CFAP61: variants seen among roughly 807,000 people sequenced by gnomAD.
CFAP61 encodes the protein cilia and flagella associated protein 61, also known as cilia- and flagella-associated protein 61.
Under a neutral mutation model 135.6 loss-of-function variants are expected in CFAP61, and 107 were observed. That is an observed-to-expected ratio of 0.79 (90% CI 0.67 to 0.93). The LOEUF (loss-of-function observed/expected upper bound fraction) is 0.93. Ranked by LOEUF, CFAP61 falls within the 40% of genes least tolerant of loss-of-function variation. CFAP61 has a pLI of 0.00. For missense variants in CFAP61, 1,507 were observed against 1,556.2 expected (o/e 0.97, Z 0.53); for synonymous variants, 575 against 578.5 (o/e 0.99, Z 0.09).
At position 20,199,918 on chromosome 20, in the gene CFAP61, G is replaced by T. The variant is rs75726160; in HGVS notation, c.1932+16G>T. The T allele has an allele frequency of 6.8e-6, 11 of 1,613,008 alleles. No homozygotes were observed. The East Asian group carries it at 2.5e-4, about 36-fold the overall frequency. ...CAAGGATCCGGTGGGTAGCAGGGCG[G>T]CAGGCAGGGCGGCGCGGTGCCAGCT... On this transcript the variant is annotated intron_variant, in intron 17 of 26. Transcript: ENST00000245957.
At chr20:20,200,200 TCATTTTCTTTCC>T (rs1344250041) in intron 17 of CFAP61, among the ~76,000 whole-genome samples, 1 of 152,254 alleles carries the variant, frequency 6.6e-6, no homozygotes, top group African/African-American at 2.4e-5. Flanking sequence ...CAGCATATTT[TCATTTTCTTTCC>T]CTGTCCTCAA....
chr20:20,262,978 A>C lies in CFAP61; in HGVS notation c.2351A>C (p.Asp784Ala). The C allele has an allele frequency of 5.0e-6, 8 of 1,613,640 alleles. No homozygotes were observed. The highest frequency in any genetic ancestry group is 1.7e-5 in the Admixed American group (1 of 59,964). ...QYQVPCPTEA[D>A]ISQHLTNREV... ...CAGGTCCCATGCCCTACAGAGGCTG[A>C]TATTAGTCAACACCTGACAAACAGG... The change falls in exon 21 of 27, where the codon GAT becomes GCT. Residue 784 changes from aspartate (D) to alanine (A), a missense_variant. By Grantham distance (126) the Asp-to-Ala change is moderately radical. Transcript: ENST00000245957.
intron 10 of CFAP61, among the ~76,000 whole-genome samples, chr20:20,161,990 G>A (rs2053443591): frequency 1.3e-5 from 2 of 152,146 alleles, no homozygotes; most frequent in South Asian, 4.1e-4. Context: ...AGTTCTGGAG[G>A]TTAGCATTCC....
chr20:20,136,815 T>C (rs1249308042), intron 8 of CFAP61, among the ~76,000 whole-genome samples: 1 of 152,234 alleles, frequency 6.6e-6, no homozygotes, highest in African/African-American at 2.4e-5. Flanking sequence ...TTTGTCAGTG[T>C]CTGGGCACTG....
intron 25 of CFAP61, among the ~76,000 whole-genome samples, chr20:20,309,039 T>C (rs986256716): frequency 2.0e-5 from 3 of 152,214 alleles, no homozygotes; most frequent in Non-Finnish European, 2.9e-5. Context: ...CTCATTCTAC[T>C]GAGCCACGAG....
intron 13 of CFAP61, among the ~76,000 whole-genome samples, chr20:20,175,213 A>T (rs2054522937): frequency 6.6e-6 from 1 of 152,212 alleles, no homozygotes; most frequent in African/African-American, 2.4e-5. Flanking sequence ...TGGACCGTGG[A>T]ATATTCCTCC....
intron 13 of CFAP61, chr20:20,172,261 G>GGT: frequency 1.0e-6 from 1 of 984,482 alleles, no homozygotes; most frequent in Non-Finnish European, 1.2e-6. Context: ...AGGTGAAGAT[G>GGT]GTGACTGACT....
At chr20:20,164,682 A>G (rs2053679069) in intron 11 of CFAP61, among the ~76,000 whole-genome samples, 2 of 152,208 alleles carry the variant, frequency 1.3e-5, no homozygotes, top group South Asian at 4.1e-4. Flanking sequence ...GGCTTGATCT[A>G]GGATTTATTT....
chr20:20,251,604 T>C lies in CFAP61; in HGVS notation c.2169T>C (p.Phe723=), dbSNP rs970774461. The change falls in exon 20 of 27, where the codon TTT becomes TTC. Residue 723 remains phenylalanine (F), a synonymous_variant. Transcript: ENST00000245957. ...QRKFLASDHC[F]NDKDYALMSL... ...GCTTCTCTCTTTGCAGCCACTGTTT[T>C]AATGATAAAGATTATGCACTGATGT... 6.2e-7 allele frequency: 1 copy of C among 1,614,046 alleles called. No individual in the cohort carries two copies. Among genetic ancestry groups the C allele is most frequent in the Non-Finnish European group, 8.5e-7 (1 of 1,180,034 alleles).
At chr20:20,326,462 C>T (rs568596889) in intron 25 of CFAP61, among the ~76,000 whole-genome samples, 14 of 152,212 alleles carry the variant, frequency 9.2e-5, no homozygotes, top group Admixed American at 3.3e-4. Flanking sequence ...CTATCACTTT[C>T]GTAGCTTTGT....
intron 24 of CFAP61, 81 bp from the exon 25 acceptor site, chr20:20,298,100 A>T (rs2055781502): frequency 1.1e-6 from 1 of 933,022 alleles, no homozygotes; most frequent in South Asian, 1.4e-5. Context: ...GTTATATTTG[A>T]AAAATAAATT....
chr20:20,142,977 G>T lies in CFAP61; in HGVS notation c.951+29G>T, dbSNP rs561668400. 9.3e-6 allele frequency: 13 copies of T among 1,396,680 alleles called. No individual in the cohort carries two copies. The Admixed American group carries it at 1.9e-4, about 20-fold the overall frequency. The allele number at this position is 1,396,680 out of a possible 1,614,324, so 86.5% of individuals were successfully genotyped here. A position where few individuals can be genotyped will look rare whatever the true frequency, so the allele number is the denominator to read the frequency against. On this transcript the variant is annotated intron_variant, in intron 9 of 26. Coordinates refer to ENST00000245957, the MANE Select transcript of CFAP61 (RefSeq NM_015585.4). ...AGAGAGACTATCCCTCCATGCCTAG[G>T]GTGGGGGGATGGGCCTGGGGGCTAC... is the stretch of plus-strand genomic sequence containing the variant.
chr20:20,290,893 G>A (rs1340013675), intron 24 of CFAP61, among the ~76,000 whole-genome samples: 1 of 152,148 alleles, frequency 6.6e-6, no homozygotes, highest in East Asian at 1.9e-4. Context: ...CTTATGAAAG[G>A]CCTTGAGCCA....
intron 26 of CFAP61, among the ~76,000 whole-genome samples, chr20:20,346,174 T>G (rs1352358044): frequency 7.2e-6 from 1 of 139,394 alleles, no homozygotes; most frequent in Non-Finnish European, 1.6e-5. Context: ...GTGCTGGGAT[T>G]ACAGGTGTGA....
rs1295608072 is a variant in CFAP61, at chr20:20,196,772, G to T, written c.1793G>T (p.Gly598Val). The change falls in exon 16 of 27, where the codon GGC (glycine) becomes GTC (valine). Residue 598 changes from glycine (G) to valine (V), a missense_variant. Physicochemically the swap from Gly to Val is moderately radical, Grantham distance 109. Coordinates refer to ENST00000245957, the MANE Select transcript of CFAP61 (RefSeq NM_015585.4). ...YYRVYPKSRE[G>V]KFQNPYAHSL... ...CGTGTTTACCCAAAATCCAGAGAAG[G>T]CAAGGTAAGAGAATGGTGCAATTCA... 6.2e-7 allele frequency: 1 copy of T among 1,613,782 alleles called. No homozygotes were observed. Among genetic ancestry groups the T allele is most frequent in the Non-Finnish European group, 8.5e-7 (1 of 1,179,668 alleles).
chr20:20,200,625 TTAAG>T (rs1276767514), intron 17 of CFAP61: 3 of 846,764 alleles, frequency 3.5e-6, no homozygotes, highest in Non-Finnish European at 4.3e-6. Flanking sequence ...ACTCTTTCAC[TTAAG>T]TAAGTAAAAA....
At chr20:20,336,344 G>A (rs1016735578) in intron 25 of CFAP61, among the ~76,000 whole-genome samples, 1 of 152,168 alleles carries the variant, frequency 6.6e-6, no homozygotes, top group African/African-American at 2.4e-5. Flanking sequence ...ACAAATCAAT[G>A]TAAAGAAAAT....
intron 8 of CFAP61, among the ~76,000 whole-genome samples, chr20:20,130,674 G>A (rs955598803): frequency 1.3e-5 from 2 of 151,766 alleles, no homozygotes; most frequent in Non-Finnish European, 2.9e-5. Flanking sequence ...AACAGTCAGA[G>A]TGCCACCCAT....
At chr20:20,330,835 A>G (rs1031038884) in intron 25 of CFAP61, among the ~76,000 whole-genome samples, 2 of 152,178 alleles carry the variant, frequency 1.3e-5, no homozygotes, top group African/African-American at 4.8e-5. Context: ...GGAATTCAAG[A>G]GAATGTCCTC....
Sources: gnomAD v4.1 joint callset for allele counts (sites outside exome capture counted in the v4.1 genomes callset) on GRCh38, gnomAD v4.1.1 for gene constraint, MANE v1.5 for transcripts, NCBI Gene and HGNC (gene_info 2026-07-23, HGNC 2026-07-21) for gene names.